Variants in FKBP5 observed in about 807,000 individuals in gnomAD.
The protein encoded by FKBP5 is FKBP prolyl isomerase 5.
FKBP5 carries 23 observed loss-of-function variants against 50.5 expected under a neutral mutation model. That is an observed-to-expected ratio of 0.46 (90% CI 0.33 to 0.65). FKBP5 has a LOEUF of 0.65. Ranked by LOEUF, FKBP5 falls within the 30% of genes least tolerant of loss-of-function variation. The pLI is 0.02. For synonymous variants in FKBP5, 176 were observed against 190.6 expected, an observed-to-expected ratio of 0.92 and a Z score of 0.63; for missense variants, 411 against 553.1, an observed-to-expected ratio of 0.74 and a Z score of 2.58.
At chr6:35,689,466 AGTGACT>A (rs1765939952), upstream of FKBP5, among the ~76,000 whole-genome samples, 1 of 152,086 alleles carries the variant, frequency 6.6e-6, no homozygotes, top group Non-Finnish European at 1.5e-5. Flanking sequence ...CTGGACACCC[AGTGACT>A]GTAAAGACCA....
At chr6:35,675,966 T>C (rs753236803) in intron 1 of FKBP5, among the ~76,000 whole-genome samples, 11 of 152,122 alleles carry the variant, frequency 7.2e-5, no homozygotes, top group Non-Finnish European at 1.5e-4. Flanking sequence ...CTATTAATCC[T>C]AACAACTATT....
At chr6:35,590,834 G>C (rs1261750182) in intron 7 of FKBP5, among the ~76,000 whole-genome samples, 1 of 140,888 alleles carries the variant, frequency 7.1e-6, no homozygotes, top group African/African-American at 2.7e-5. Context: ...AGTACAAAAA[G>C]AACAAGTCTA....
intron 8 of FKBP5, chr6:35,581,395 C>A (rs1004547925): frequency 3.0e-5 from 4 of 131,156 alleles, no homozygotes; most frequent in African/African-American, 1.5e-4. Context: ...CACCTGAGGT[C>A]AGGAGTTCGA....
At chr6:35,582,733 A>G in intron 8 of FKBP5, 5 of 908,610 alleles carry the variant, frequency 5.5e-6, no homozygotes, top group Non-Finnish European at 6.6e-6. Context: ...TGGATGCTAC[A>G]AAAAAAAAAG....
At chr6:35,639,674 A>G (rs1172244461) in intron 2 of FKBP5, among the ~76,000 whole-genome samples, 2 of 152,266 alleles carry the variant, frequency 1.3e-5, no homozygotes, top group African/African-American at 4.8e-5. Context: ...ATGTAAATCT[A>G]TAGCATAAAG....
At chr6:35,642,516 C>T (rs2150989248) in intron 2 of FKBP5, among the ~76,000 whole-genome samples, 1 of 152,186 alleles carries the variant, frequency 6.6e-6, no homozygotes, top group South Asian at 2.1e-4. Context: ...CCCAGGAGCT[C>T]AAGACCAGCC....
intron 5 of FKBP5, among the ~76,000 whole-genome samples, chr6:35,606,355 T>G (rs1763313882): frequency 6.6e-6 from 1 of 152,034 alleles, no homozygotes; most frequent in Admixed American, 6.6e-5. Context: ...TGAGTCAGAA[T>G]GACTATTAAT....
intron 1 of FKBP5, among the ~76,000 whole-genome samples, chr6:35,725,250 G>A (rs767663302): frequency 5.9e-5 from 9 of 152,138 alleles, no homozygotes; most frequent in Admixed American, 1.3e-4. Flanking sequence ...CCTCCCTGCC[G>A]CGAGGCCCCC....
intron 1 of FKBP5, among the ~76,000 whole-genome samples, chr6:35,673,565 CAA>C (rs1765450813): frequency 6.6e-6 from 1 of 151,878 alleles, no homozygotes; most frequent in South Asian, 2.1e-4. Context: ...AAAACAGAAA[CAA>C]AAAGTCCATT....
chr6:35,638,605 A>C (rs1286920831), intron 2 of FKBP5, among the ~76,000 whole-genome samples: 2 of 151,890 alleles, frequency 1.3e-5, no homozygotes, highest in East Asian at 3.9e-4. Flanking sequence ...TTTAGTAGAG[A>C]TGAGATCTTG....
intron 1 of FKBP5, among the ~76,000 whole-genome samples, chr6:35,651,497 C>T (rs976280101): frequency 9.2e-5 from 14 of 152,260 alleles, no homozygotes; most frequent in Non-Finnish European, 1.3e-4. Flanking sequence ...AAGGCCTGAG[C>T]TCAGGAGAGA....
chr6:35,655,395 A>T (rs994933832), intron 1 of FKBP5, among the ~76,000 whole-genome samples: 2 of 152,206 alleles, frequency 1.3e-5, no homozygotes, highest in East Asian at 3.8e-4. Flanking sequence ...TAGGTTTTCT[A>T]TAGAAAGTCA....
intron 1 of FKBP5, among the ~76,000 whole-genome samples, chr6:35,653,357 A>T (rs1043815240): frequency 1.3e-5 from 2 of 152,120 alleles, no homozygotes; most frequent in African/African-American, 4.8e-5. Context: ...GTCTCTTAAT[A>T]AAAAAAGATG....
At chr6:35,704,600 G>T (rs1000191685) in intron 2 of FKBP5, among the ~76,000 whole-genome samples, 9 of 151,638 alleles carry the variant, frequency 5.9e-5, no homozygotes, top group Non-Finnish European at 1.3e-4. Flanking sequence ...ATGTTTTTTT[G>T]GGATTTATAG....
At chr6:35,586,810 A>G (rs1762613865) in intron 8 of FKBP5, 1 of 1,413,544 alleles carries the variant, frequency 7.1e-7, no homozygotes, top group African/African-American at 1.4e-5. Context: ...ATGGAAGGTT[A>G]CAATCTAGAG....
chr6:35,576,931 C>G (rs1448740254), intron 10 of FKBP5, 63 bp downstream of exon 10: 6 of 1,582,692 alleles, frequency 3.8e-6, no homozygotes, highest in African/African-American at 1.4e-5. Flanking sequence ...TTCCTGTCCC[C>G]TAAAATCAAA....
intron 2 of FKBP5, among the ~76,000 whole-genome samples, chr6:35,699,228 C>T (rs959664336): frequency 2.0e-5 from 3 of 152,148 alleles, no homozygotes; most frequent in African/African-American, 7.2e-5. Context: ...TTGGGTTTCT[C>T]ACAGCGTGTT....
intron 1 of FKBP5, among the ~76,000 whole-genome samples, chr6:35,688,094 C>G (rs1765886029): frequency 6.6e-6 from 1 of 152,264 alleles, no homozygotes; most frequent in Non-Finnish European, 1.5e-5. Context: ...CGCGGATCAC[C>G]TGTTAGACGG....
At chr6:35,585,786 A>C (rs148543545) in intron 8 of FKBP5, 2 of 985,390 alleles carry the variant, frequency 2.0e-6, no homozygotes, top group Non-Finnish European at 2.4e-6. Flanking sequence ...AACATATTGC[A>C]ATACACTTCC....
Sources: gnomAD v4.1 joint callset for allele counts (sites outside exome capture counted in the v4.1 genomes callset) on GRCh38, gnomAD v4.1.1 for gene constraint, MANE v1.5 for transcripts, NCBI Gene and HGNC (gene_info 2026-07-23, HGNC 2026-07-21) for gene names.